Variants in TRIM23 observed in about 807,000 individuals in gnomAD.
The protein encoded by TRIM23 is E3 ubiquitin-protein ligase TRIM23.
Under a neutral mutation model 71.0 loss-of-function variants are expected in TRIM23, and 27 were observed. The ratio of observed to expected loss-of-function variants is 0.38; its 90% CI spans 0.28 to 0.52. TRIM23 has a LOEUF of 0.52. Ranked by LOEUF, TRIM23 falls within the 20% of genes least tolerant of loss-of-function variation. The pLI is 0.84. For synonymous variants in TRIM23, 234 were observed against 238.0 expected (o/e 0.98, Z 0.16); for missense variants, 482 against 692.3 (o/e 0.70, Z 3.41).
chr5:65,590,644 T>C lies in TRIM23; in HGVS notation c.*1125A>G. 1 of 987,908 alleles carries C rather than the reference T, an allele frequency of 1.0e-6. No individual in the cohort carries two copies. The highest frequency in any genetic ancestry group is 1.2e-6 in the Non-Finnish European group (1 of 827,566). 61.2% of individuals were successfully genotyped at this position (987,908 alleles called of 1,614,324 possible). A position where few individuals can be genotyped will look rare whatever the true frequency, so the allele number is the denominator to read the frequency against. ...AAACAGTAAAGAGCACACATTTTTA[T>C]TTACTCACAACACTGAATAATTAAT... On this transcript the variant is annotated 3_prime_UTR_variant, in exon 11 of 11. Coordinates refer to ENST00000231524, the MANE Select transcript of TRIM23 (RefSeq NM_001656.4).
At chr5:65,616,835 C>G (rs1754790655) in intron 2 of TRIM23, among the ~76,000 whole-genome samples, 1 of 151,822 alleles carries the variant, frequency 6.6e-6, no homozygotes, top group Non-Finnish European at 1.5e-5. Flanking sequence ...GATTCTCCTG[C>G]CTCAGCCTCC....
Position 65,591,665 on chromosome 5 carries a change from A to ATATATT in TRIM23, c.*103_*104insAATATA. The ATATATT allele has an allele frequency of 9.7e-7, 1 of 1,033,520 alleles. No homozygotes were observed. Among genetic ancestry groups the ATATATT allele is most frequent in the Admixed American group, 3.4e-5 (1 of 29,628 alleles). The allele number at this position is 1,033,520 out of a possible 1,614,324, so 64.0% of individuals were successfully genotyped here. A position where few individuals can be genotyped will look rare whatever the true frequency, so the allele number is the denominator to read the frequency against. On this transcript the variant is annotated 3_prime_UTR_variant, in exon 11 of 11. Coordinates refer to ENST00000231524, the MANE Select transcript of TRIM23 (RefSeq NM_001656.4). ...TTCCTTTATATATATATATATATAT[A>ATATATT]TGCATCCTAAATTACCATCTTTTGA...
In TRIM23 at chr5:65,590,606, C is replaced by G. The variant is rs889522331; in HGVS notation, c.*1163G>C. The G allele has an allele frequency of 2.0e-6, 2 of 1,000,762 alleles. No homozygotes were observed. Among genetic ancestry groups the G allele is most frequent in the Non-Finnish European group, 2.4e-6 (2 of 833,866 alleles). 62.0% of individuals were successfully genotyped at this position (1,000,762 alleles called of 1,614,324 possible). ...TAAATCGTGCTTCCATAATAATATT[C>G]TTTAAAAATGAAAAACAGTAAAGAG... is the stretch of plus-strand genomic sequence containing the variant. On this transcript the variant is annotated 3_prime_UTR_variant, in exon 11 of 11. Transcript: ENST00000231524.
At chr5:65,618,913 ACAGT>A (rs749376532) in intron 1 of TRIM23, among the ~76,000 whole-genome samples, 44 of 152,228 alleles carry the variant, frequency 2.9e-4, no homozygotes, top group African/African-American at 3.9e-4. Flanking sequence ...ACAAGGCTAC[ACAGT>A]CAGTCAAAAG....
rs749951581 is a variant in TRIM23 at position 65,614,127 on chromosome 5, C to T, written c.337G>A (p.Ala113Thr). The T allele has an allele frequency of 3.1e-6, 5 of 1,613,660 alleles. No individual in the cohort carries two copies. Among genetic ancestry groups the T allele is most frequent in the Non-Finnish European group, 4.2e-6 (5 of 1,179,838 alleles). ...QNGPIGQYGA[A>T]EESIGISGES... ...CCAGATATCCCAATGGATTCTTCTG[C>T]AGCTCCATACTGACCAATAGGCCCA... The change falls in exon 3 of 11, where the codon GCA becomes ACA. Residue 113 changes from alanine (A) to threonine (T), a missense_variant. Around this residue, in one of 2 missense-constraint regions of TRIM23, gnomAD observed 175 missense variants for 196.5 expected, o/e 0.89. Coordinates refer to ENST00000231524, the MANE Select transcript of TRIM23 (RefSeq NM_001656.4).
At chr5:65,592,032 GAC>G (rs1280204618) in intron 10 of TRIM23, 84 bp from the exon 11 acceptor site, 17 of 1,348,236 alleles carry the variant, frequency 1.3e-5, no homozygotes, top group African/African-American at 2.9e-5. Context: ...GAAATTTGTT[GAC>G]AGTGTTCTAA....
chr5:65,596,364 C>A lies in TRIM23; in HGVS notation c.1420+57G>T, dbSNP rs74494576. 2.2e-4 allele frequency: 266 copies of A among 1,206,804 alleles called. No homozygotes were observed. The East Asian group carries it at 5.2e-3, about 24-fold the overall frequency. The allele number at this position is 1,206,804 out of a possible 1,614,324, so 74.8% of individuals were successfully genotyped here. A position where few individuals can be genotyped will look rare whatever the true frequency, so the allele number is the denominator to read the frequency against. On this transcript the variant is annotated intron_variant, in intron 9 of 10. Coordinates refer to ENST00000231524, the MANE Select transcript of TRIM23 (RefSeq NM_001656.4). ...ATCAGCTTTGCTAGTTAAATCAGTA[C>A]ACTGAAAACTGTCATCCTAAAAATG...
intron 7 of TRIM23, among the ~76,000 whole-genome samples, chr5:65,601,776 C>A (rs937116928): frequency 3.9e-5 from 6 of 152,216 alleles, no homozygotes; most frequent in African/African-American, 1.4e-4. Context: ...CTTCTGTGCA[C>A]CCACAGGCTC....
rs892698597 is a variant in TRIM23 at position 65,618,031 on chromosome 5, C to G, written c.244+62G>C. On this transcript the variant is annotated intron_variant, in intron 2 of 10. Coordinates refer to ENST00000231524, the MANE Select transcript of TRIM23 (RefSeq NM_001656.4). Reference sequence around the variant, plus strand: ...AAATCAAGTGGAAGGACATTGTTTCCTATGACATTTGCATTACATGAACAA... The same window carrying G: ...AAATCAAGTGGAAGGACATTGTTTCGTATGACATTTGCATTACATGAACAA... 2.4e-5 allele frequency: 35 copies of G among 1,438,052 alleles called. No homozygotes were observed. The South Asian group carries it at 5.1e-4, about 21-fold the overall frequency. 89.1% of individuals were successfully genotyped at this position (1,438,052 alleles called of 1,614,324 possible). A position where few individuals can be genotyped will look rare whatever the true frequency, so the allele number is the denominator to read the frequency against.
intron 6 of TRIM23, chr5:65,606,919 C>T (rs1182500017): frequency 6.6e-6 from 1 of 152,202 alleles, no homozygotes; most frequent in Non-Finnish European, 1.5e-5. Flanking sequence ...TGCTAGAATG[C>T]TAATTTCACA....
intron 5 of TRIM23, 58 bp downstream of exon 5, chr5:65,610,803 G>A (rs1465534265): frequency 3.5e-6 from 5 of 1,437,958 alleles, no homozygotes; most frequent in South Asian, 1.4e-5. Context: ...CTTAGTAGAA[G>A]GTGAAAATAT....
intron 7 of TRIM23, among the ~76,000 whole-genome samples, chr5:65,603,744 CTT>C (rs1229760768): frequency 1.3e-5 from 2 of 152,024 alleles, no homozygotes; most frequent in African/African-American, 4.8e-5. Context: ...CACATGAACA[CTT>C]TTTAATCAGG....
chr5:65,608,321 A>G (rs996082213), intron 6 of TRIM23, among the ~76,000 whole-genome samples: 1 of 152,108 alleles, frequency 6.6e-6, no homozygotes, highest in African/African-American at 2.4e-5. Context: ...TAGTATCACA[A>G]AATAGAGGAT....
intron 7 of TRIM23, among the ~76,000 whole-genome samples, chr5:65,599,529 G>C (rs1487575933): frequency 6.6e-6 from 1 of 152,066 alleles, no homozygotes; most frequent in African/African-American, 2.4e-5. Context: ...CTAATATGTA[G>C]GCGTACACCT....
intron 1 of TRIM23, 81 bp from the exon 2 acceptor site, chr5:65,618,336 A>G (rs1227174124): frequency 9.6e-6 from 13 of 1,357,108 alleles, no homozygotes; most frequent in African/African-American, 6.0e-5. Context: ...AAATTCACCT[A>G]ATATATTGAA....
At chr5:65,621,669 G>A (rs925918073) in intron 1 of TRIM23, among the ~76,000 whole-genome samples, 5 of 151,938 alleles carry the variant, frequency 3.3e-5, no homozygotes, top group Non-Finnish European at 7.4e-5. Context: ...TATTTCCTCA[G>A]TATCTATAAA....
intron 1 of TRIM23, among the ~76,000 whole-genome samples, chr5:65,620,596 T>G (rs1365493463): frequency 6.6e-6 from 1 of 152,078 alleles, no homozygotes; most frequent in Non-Finnish European, 1.5e-5. Context: ...TTTTTTGTAT[T>G]GTTGTATAAG....
At chr5:65,613,337 A>G (rs564257846) in intron 3 of TRIM23, among the ~76,000 whole-genome samples, 242 of 152,362 alleles carry the variant, frequency 1.6e-3, no homozygotes, top group Non-Finnish European at 2.8e-3. Context: ...TCACTTTAGT[A>G]TAAAGAAATC....
rs192525125 is a variant in TRIM23 at position 65,611,138 on chromosome 5, G to A, written c.646-95C>T. 131 of 1,139,228 alleles carry A rather than the reference G, an allele frequency of 1.1e-4. 1 individual carries two copies. In the African/African-American group the frequency reaches 1.7e-3, roughly 15 times the overall value. 70.6% of individuals were successfully genotyped at this position (1,139,228 alleles called of 1,614,324 possible). A position where few individuals can be genotyped will look rare whatever the true frequency, so the allele number is the denominator to read the frequency against. The stretch of plus-strand genomic sequence containing the variant: ...TCCCTATTAATACAAAAAAGCATCA[G>A]CCACAAGTGACTTTTATGACACAGA... On this transcript the variant is annotated intron_variant, in intron 4 of 10. Transcript: ENST00000231524.
Sources: gnomAD v4.1 joint callset for allele counts (sites outside exome capture counted in the v4.1 genomes callset) on GRCh38, gnomAD v4.1.1 for gene constraint, gnomAD v4.1.1 regional missense constraint, MANE v1.5 for transcripts, NCBI Gene and HGNC (gene_info 2026-07-23, HGNC 2026-07-21) for gene names.